Variants in RANBP2 observed in about 807,000 individuals in gnomAD.
RANBP2 encodes RAN binding protein 2.
In RANBP2, 57 loss-of-function variants were observed where a neutral mutation model predicts 303.6. That is an observed-to-expected ratio of 0.19 (90% CI 0.15 to 0.23). RANBP2 has a LOEUF of 0.23. RANBP2 is among the 10% of genes least tolerant of loss of function. RANBP2 has a pLI of 1.00. For missense variants in RANBP2, 3,138 were observed against 3,780.8 expected, an observed-to-expected ratio of 0.83 and a Z score of 4.46; for synonymous variants, 1,167 against 1,301.5, an observed-to-expected ratio of 0.90 and a Z score of 2.23.
At chr2:109,522,483 G>A in the RANBP2 span, among the ~76,000 whole-genome samples, 30 of 152,032 alleles carry the variant, frequency 2.0e-4, no homozygotes, top group Non-Finnish European at 3.8e-4. Context: ...TTTTAGTAGA[G>A]ACGGGGTTTC....
chr2:109,097,632 CT>C, the RANBP2 span, among the ~76,000 whole-genome samples: 107,083 of 147,644 alleles, frequency 0.73, 41,390 homozygotes, highest in Non-Finnish European at 0.89. Context: ...CCATTATAGT[CT>C]TTTTTTTTTT....
chr2:109,063,097 C>A, the RANBP2 span, among the ~76,000 whole-genome samples: 2 of 152,204 alleles, frequency 1.3e-5, no homozygotes, highest in South Asian at 2.1e-4. Flanking sequence ...CACCACCATG[C>A]CAACCTGAGA....
the RANBP2 span, chr2:109,371,570 G>C: frequency 6.2e-7 from 1 of 1,612,034 alleles, no homozygotes; most frequent in Non-Finnish European, 8.5e-7. Flanking sequence ...TGTCCACGGT[G>C]GACCCGGAAC....
the RANBP2 span, among the ~76,000 whole-genome samples, chr2:109,037,925 G>C: frequency 6.6e-6 from 1 of 152,150 alleles, no homozygotes; most frequent in Non-Finnish European, 1.5e-5. Context: ...ATCCCAGCAA[G>C]GTGCTTTGTA....
chr2:109,340,846 G>T, the RANBP2 span, among the ~76,000 whole-genome samples: 1 of 152,078 alleles, frequency 6.6e-6, no homozygotes, highest in African/African-American at 2.4e-5. Flanking sequence ...TGACCTAACC[G>T]CTGCTTTGAT....
the RANBP2 span, among the ~76,000 whole-genome samples, chr2:109,120,176 T>G: frequency 6.6e-6 from 1 of 152,330 alleles, no homozygotes; most frequent in East Asian, 1.9e-4. Context: ...CACTGCAGGC[T>G]ACCTGTAGGG....
At chr2:109,015,940 G>A in the RANBP2 span, among the ~76,000 whole-genome samples, 2 of 152,112 alleles carry the variant, frequency 1.3e-5, no homozygotes, top group Non-Finnish European at 2.9e-5. Context: ...TACAGGGGTC[G>A]GTGCCCCCAC....
At chr2:109,128,910 G>C in the RANBP2 span, 1 of 357,828 alleles carries the variant, frequency 2.8e-6, no homozygotes, top group Non-Finnish European at 5.7e-6. Context: ...CCCAAGCGAA[G>C]GGAAGTCCTG....
the RANBP2 span, among the ~76,000 whole-genome samples, chr2:109,330,432 A>G: frequency 6.6e-6 from 1 of 151,958 alleles, no homozygotes; most frequent in Non-Finnish European, 1.5e-5. Context: ...TTAGTCATGT[A>G]TATTCGATAC....
chr2:108,839,239 C>T, the RANBP2 span: 1 of 1,612,622 alleles, frequency 6.2e-7, no homozygotes, highest in South Asian at 1.1e-5. Context: ...GAATATCAAA[C>T]TTCACGAGCC....
chr2:109,336,630 G>A, the RANBP2 span, among the ~76,000 whole-genome samples: 6 of 152,338 alleles, frequency 3.9e-5, no homozygotes, highest in African/African-American at 1.4e-4. Context: ...CAGCAAACCA[G>A]GAGAGCATTT....
At chr2:109,008,364 T>G in the RANBP2 span, among the ~76,000 whole-genome samples, 27 of 152,114 alleles carry the variant, frequency 1.8e-4, no homozygotes, top group Non-Finnish European at 3.4e-4. Context: ...GGTAAGGAGA[T>G]ACCATAGATG....
At chr2:108,811,210 A>G in the RANBP2 span, among the ~76,000 whole-genome samples, 2 of 95,002 alleles carry the variant, frequency 2.1e-5, no homozygotes, top group Admixed American at 2.4e-4. Flanking sequence ...TTCCCTTGCT[A>G]CTATTTCTTC....
At chr2:109,489,573 G>A in the RANBP2 span, among the ~76,000 whole-genome samples, 2 of 152,216 alleles carry the variant, frequency 1.3e-5, no homozygotes, top group Non-Finnish European at 2.9e-5. Context: ...GCTTGGCCAG[G>A]GTCCCGTGAC....
chr2:109,420,117 A>G, the RANBP2 span, among the ~76,000 whole-genome samples: 1 of 152,248 alleles, frequency 6.6e-6, no homozygotes, highest in Non-Finnish European at 1.5e-5. Flanking sequence ...TCATCCCCAA[A>G]TATAACCAGA....
the RANBP2 span, among the ~76,000 whole-genome samples, chr2:109,021,249 C>A: frequency 2.6e-5 from 4 of 152,136 alleles, no homozygotes; most frequent in Admixed American, 2.6e-4. Context: ...AGCCATCGGG[C>A]GCGGTGGCTC....
chr2:109,574,697 G>T, the RANBP2 span: 1 of 1,608,388 alleles, frequency 6.2e-7, no homozygotes, highest in Admixed American at 1.7e-5. Context: ...AAGAGAGAAC[G>T]CTTAATCTTC....
the RANBP2 span, among the ~76,000 whole-genome samples, chr2:109,433,903 C>T: frequency 6.6e-6 from 1 of 152,240 alleles, no homozygotes; most frequent in Non-Finnish European, 1.5e-5. Context: ...AACCCAGCCA[C>T]CTGGTCAGAG....
chr2:109,306,177 A>G, the RANBP2 span, among the ~76,000 whole-genome samples: 2 of 152,214 alleles, frequency 1.3e-5, no homozygotes, highest in Non-Finnish European at 2.9e-5. Flanking sequence ...AAAATCCACT[A>G]AAATGGTCAG....
Sources: allele counts gnomAD v4.1 joint callset (sites outside exome capture counted in the v4.1 genomes callset), GRCh38; gene constraint gnomAD v4.1.1; transcripts MANE v1.5; gene names NCBI Gene and HGNC (gene_info 2026-07-23, HGNC 2026-07-21).